Variants in MMP26 observed in about 807,000 individuals in gnomAD.
MMP26 encodes the protein matrix metalloproteinase-26.
MMP26 carries 33 observed loss-of-function variants against 31.0 expected under a neutral mutation model. That is an observed-to-expected ratio of 1.06 (90% CI 0.81 to 1.42). The LOEUF is 1.42. Ranked by LOEUF, MMP26 falls within the 40% of genes most tolerant of loss-of-function variation. The probability of loss-of-function intolerance (pLI) is 0.00; values close to 1 mark genes in which losing one functional copy is unlikely to be tolerated. For missense variants in MMP26, 347 were observed against 316.1 expected (o/e 1.10, Z -0.74); for synonymous variants, 122 against 114.9 (o/e 1.06, Z -0.40).
chr11:4,722,920 A>C, intron 1 of MMP26: 1 of 785,922 alleles, frequency 1.3e-6, no homozygotes, highest in Non-Finnish European at 2.3e-6. Context: ...CCGAGCTTAG[A>C]CCACCTGCAT....
chr11:4,773,595 G>GTTT (rs3065888), intron 2 of MMP26, among the ~76,000 whole-genome samples: 44 of 108,382 alleles, frequency 4.1e-4, no homozygotes, highest in African/African-American at 1.3e-3. Flanking sequence ...TGTTTGTGGG[G>GTTT]TTTTTTTTTT....
At chr11:4,750,992 G>T (rs1227188211) in intron 1 of MMP26, among the ~76,000 whole-genome samples, 1 of 151,898 alleles carries the variant, frequency 6.6e-6, no homozygotes, top group Non-Finnish European at 1.5e-5. Context: ...GAGACCTAAA[G>T]TTCCATAATA....
At chr11:4,865,108 A>G (rs972267871) in intron 2 of MMP26, among the ~76,000 whole-genome samples, 22 of 152,096 alleles carry the variant, frequency 1.4e-4, no homozygotes, top group African/African-American at 4.3e-4. Context: ...ATACAATCAA[A>G]TAGGCCTAGT....
intron 2 of MMP26, among the ~76,000 whole-genome samples, chr11:4,771,440 C>CT (rs1589896007): frequency 1.3e-5 from 2 of 152,294 alleles, no homozygotes; most frequent in East Asian, 1.9e-4. Flanking sequence ...GTGATGGCTG[C>CT]TGGCTTCCGG....
intron 2 of MMP26, among the ~76,000 whole-genome samples, chr11:4,789,529 A>ATT (rs1848993062): frequency 2.2e-5 from 1 of 44,828 alleles, no homozygotes; most frequent in Non-Finnish European, 4.3e-5. Context: ...ATATCCCCCC[A>ATT]CTTTTTTTTT....
At chr11:4,742,193 T>G (rs569234265) in intron 1 of MMP26, among the ~76,000 whole-genome samples, 1 of 152,190 alleles carries the variant, frequency 6.6e-6, no homozygotes, top group East Asian at 1.9e-4. Context: ...GTACATCTAC[T>G]GTGGACAAGG....
At chr11:4,920,250 C>T (rs984745048) in intron 2 of MMP26, among the ~76,000 whole-genome samples, 6 of 152,088 alleles carry the variant, frequency 3.9e-5, no homozygotes, top group African/African-American at 1.2e-4. Context: ...GAGACCTTTG[C>T]CAGCCCTGAA....
chr11:4,731,953 T>C (rs1015169280), intron 1 of MMP26, among the ~76,000 whole-genome samples: 2 of 152,196 alleles, frequency 1.3e-5, no homozygotes, highest in African/African-American at 4.8e-5. Context: ...TCTCTGTTCC[T>C]CCTGGATGTT....
chr11:4,871,596 G>C (rs1056066137), intron 2 of MMP26: 1 of 152,096 alleles, frequency 6.6e-6, no homozygotes, highest in Non-Finnish European at 1.5e-5. Flanking sequence ...TTGGTCCTGG[G>C]GGCATCTCCA....
chr11:4,946,591 A>G (rs763802832), intron 2 of MMP26: 2 of 1,563,098 alleles, frequency 1.3e-6, no homozygotes, highest in East Asian at 2.2e-5. Context: ...TTTTCTTGCA[A>G]TATCTCAAGT....
At chr11:4,848,949 G>T in intron 2 of MMP26, 3 of 1,614,086 alleles carry the variant, frequency 1.9e-6, no homozygotes, top group Non-Finnish European at 2.5e-6. Context: ...CAGCAGTGTG[G>T]GCATCAGGGC....
At chr11:4,829,101 T>G (rs1257744742) in intron 2 of MMP26, among the ~76,000 whole-genome samples, 1 of 152,168 alleles carries the variant, frequency 6.6e-6, no homozygotes, top group Non-Finnish European at 1.5e-5. Flanking sequence ...TTAGGTATCA[T>G]AATCCTGACT....
At chr11:4,808,351 G>T (rs558625824) in intron 2 of MMP26, among the ~76,000 whole-genome samples, 2 of 152,038 alleles carry the variant, frequency 1.3e-5, no homozygotes, top group African/African-American at 4.8e-5. Flanking sequence ...AAACATGAAG[G>T]GGGTGTGCAC....
At chr11:4,957,754 C>A (rs1395613968) in intron 2 of MMP26, among the ~76,000 whole-genome samples, 1 of 151,932 alleles carries the variant, frequency 6.6e-6, no homozygotes, top group Non-Finnish European at 1.5e-5. Context: ...TCTCGCCTCA[C>A]TGCAACCTCC....
At chr11:4,934,814 A>C (rs957760506) in intron 2 of MMP26, among the ~76,000 whole-genome samples, 1 of 150,576 alleles carries the variant, frequency 6.6e-6, no homozygotes, top group Non-Finnish European at 1.5e-5. Flanking sequence ...TTTTCCCAGC[A>C]CCATTTATTA....
intron 2 of MMP26, among the ~76,000 whole-genome samples, chr11:4,797,746 C>T (rs564880245): frequency 6.6e-6 from 1 of 152,298 alleles, no homozygotes; most frequent in Admixed American, 6.5e-5. Context: ...TTTTGCACGA[C>T]TCCAGGGATA....
chr11:4,946,630 C>G, intron 2 of MMP26: 5 of 1,577,950 alleles, frequency 3.2e-6, no homozygotes, highest in Non-Finnish European at 4.3e-6. Flanking sequence ...AGGGAAGAAC[C>G]AGGAGCATGC....
At chr11:4,812,405 T>C (rs56790797) in intron 2 of MMP26, among the ~76,000 whole-genome samples, 1 of 152,062 alleles carries the variant, frequency 6.6e-6, no homozygotes, top group Non-Finnish European at 1.5e-5. Flanking sequence ...GTTGCCAAGG[T>C]TGAGGTGACA....
chr11:4,955,601 A>T (rs1564814539), intron 2 of MMP26: 23 of 1,446,422 alleles, frequency 1.6e-5, no homozygotes, highest in Non-Finnish European at 2.0e-5. Flanking sequence ...AATAGCAATA[A>T]GATACATGCT....
Sources: allele counts gnomAD v4.1 joint callset (sites outside exome capture counted in the v4.1 genomes callset), GRCh38; gene constraint gnomAD v4.1.1; transcripts MANE v1.5; gene names NCBI Gene and HGNC (gene_info 2026-07-23, HGNC 2026-07-21).